The following PRKN variants were observed in gnomAD, a reference collection of about 807,000 sequenced individuals.
The protein encoded by PRKN is E3 ubiquitin-protein ligase parkin.
A neutral mutation model predicts 59.5 loss-of-function variants in PRKN; 56 were observed. That is an observed-to-expected ratio of 0.94 (90% CI 0.76 to 1.18). The LOEUF is 1.18. Among genes scored for constraint, PRKN ranks in the 50% most tolerant of loss-of-function variants. The pLI, the probability that PRKN is intolerant of heterozygous loss-of-function variation, is 0.00. For missense variants in PRKN, 657 were observed against 596.4 expected (o/e 1.10, Z -1.06); for synonymous variants, 250 against 222.1 (o/e 1.13, Z -1.12).
At chr6:162,042,341 G>A (rs772397011) in intron 5 of PRKN, among the ~76,000 whole-genome samples, 2 of 152,060 alleles carry the variant, frequency 1.3e-5, no homozygotes, top group Non-Finnish European at 2.9e-5. Context: ...TACCCAGGCT[G>A]GAGTGCAGTG....
Position 161,399,859 on chromosome 6 carries a change from G to A in PRKN, c.1084-12982C>T, listed in dbSNP as rs146836827. Among the ~76,000 whole-genome samples the A allele has an allele frequency of 2.4e-4, 37 of 151,858 alleles. No individual in the cohort carries two copies. Among genetic ancestry groups the A allele is most frequent in the African/African-American group, 8.5e-4 (35 of 41,378 alleles). On this transcript the variant is annotated intron_variant, in intron 9 of 11. Transcript: ENST00000366898. This position sits in a 1 kb window ranked among gnomAD's most constrained non-coding sequence, Gnocchi z 4.4. ...AGCAATAATTTTTAATGGTCTAGTA[G>A]CTATATGAAAAGAGGAAAAAGAAAC...
intron 1 of PRKN, among the ~76,000 whole-genome samples, chr6:162,583,441 TAAAC>T (rs1780867999): frequency 6.6e-6 from 1 of 152,166 alleles, no homozygotes; most frequent in East Asian, 1.9e-4. Context: ...TTTCCTTCGA[TAAAC>T]AAACAAAACT....
Position 161,360,117 on chromosome 6 carries a change from G to A in PRKN, c.1256C>T (p.Pro419Leu). 4 of 1,614,042 alleles carry A rather than the reference G, an allele frequency of 2.5e-6. No homozygotes were observed. The highest frequency in any genetic ancestry group is 3.4e-6 in the Non-Finnish European group (4 of 1,179,906). The change falls in exon 11 of 12, where the codon CCC becomes CTC. Residue 419 changes from proline to leucine, a missense_variant. Physicochemically the swap from Pro to Leu is moderately conservative, Grantham distance 98 (BLOSUM62 -3). Transcript: ENST00000366898. This position sits in a 1 kb window ranked among gnomAD's most constrained non-coding sequence, Gnocchi z 5.1. ...TTTTTCCACTGGTACATGGCAGCGG[G>A]GACAGGGCTTGGTGGTTTTCTTGAT... ...ETIKKTTKPC[P>L]RCHVPVEKNG...
intron 9 of PRKN, among the ~76,000 whole-genome samples, chr6:161,509,785 CAGG>C (rs1272545224): frequency 6.8e-6 from 1 of 146,376 alleles, no homozygotes; most frequent in African/African-American, 2.5e-5. Context: ...GAGGCTGAAG[CAGG>C]AGAATTGCTT....
chr6:162,247,865 A>G (rs1779262485), intron 3 of PRKN, among the ~76,000 whole-genome samples: 2 of 152,210 alleles, frequency 1.3e-5, no homozygotes, highest in South Asian at 4.1e-4. Context: ...AACACTTGTT[A>G]ATTTGATTAA....
rs1779025631 is a variant in PRKN at position 161,526,602 on chromosome 6, T to C, written c.1083+22252A>G. ...ATATAAGTAATATAAATAAATATAA[T>C]GAAATAAAATCTCAAAGCATCAGTA... On this transcript the variant is annotated intron_variant, in intron 9 of 11. Transcript: ENST00000366898. The surrounding 1 kb of genome is among the most constrained non-coding windows in gnomAD (Gnocchi z 4.1). Among the ~76,000 whole-genome samples the C allele has an allele frequency of 6.7e-6, 1 of 150,360 alleles. No individual in the cohort carries two copies. The highest frequency in any genetic ancestry group is 3.6e-3 in the Middle Eastern group (1 of 280).
In PRKN at chr6:161,451,299, C is replaced by T. The variant is rs991454733; in HGVS notation, c.1084-64422G>A. ...CACCTCCAGTTTCTTCAATGACTTC[C>T]ACGAGAAGACCTCTCTGGAGAGGTC... is the stretch of plus-strand genomic sequence containing the variant. On this transcript the variant is annotated intron_variant, in intron 9 of 11. Coordinates refer to ENST00000366898, the MANE Select transcript of PRKN (RefSeq NM_004562.3). The surrounding 1 kb of genome is among the most constrained non-coding windows in gnomAD (Gnocchi z 5.9). Among the ~76,000 whole-genome samples, 1 of 152,146 alleles carries T rather than the reference C, an allele frequency of 6.6e-6. No individual in the cohort carries two copies. The highest frequency in any genetic ancestry group is 1.5e-5 in the Non-Finnish European group (1 of 68,028).
At chr6:161,835,403 G>A (rs992787519) in intron 6 of PRKN, among the ~76,000 whole-genome samples, 30 of 152,184 alleles carry the variant, frequency 2.0e-4, no homozygotes, top group South Asian at 1.9e-3. Context: ...CCACTCTTCC[G>A]TACCCTTGTT....
At chr6:162,531,464 C>G (rs1778511743) in intron 1 of PRKN, among the ~76,000 whole-genome samples, 1 of 152,038 alleles carries the variant, frequency 6.6e-6, no homozygotes, top group South Asian at 2.1e-4. Context: ...TTAAGGATAA[C>G]TTGGTGGGTG....
chr6:162,531,392 G>A (rs537134252), intron 1 of PRKN, among the ~76,000 whole-genome samples: 17 of 152,110 alleles, frequency 1.1e-4, no homozygotes, highest in African/African-American at 3.9e-4. Flanking sequence ...CCGGCTGTGC[G>A]GGAGACCTGA....
At chr6:161,631,184 C>T (rs1220285814) in intron 7 of PRKN, among the ~76,000 whole-genome samples, 1 of 152,222 alleles carries the variant, frequency 6.6e-6, no homozygotes. Flanking sequence ...ATGTGCCATG[C>T]ATGAGCTAGT....
chr6:162,230,137 C>T (rs528669381), intron 3 of PRKN, among the ~76,000 whole-genome samples: 1 of 152,140 alleles, frequency 6.6e-6, no homozygotes, highest in Admixed American at 6.6e-5. Flanking sequence ...CTTTGAATAG[C>T]AAGGTTGTAG....
Position 161,441,953 on chromosome 6 carries a change from C to G in PRKN, c.1084-55076G>C, listed in dbSNP as rs73026910. ...CTTCAGGAAGTGGATAAAGCTGGCC[C>G]TGCCTCATGCCAATCAGCCCAGCAA... On this transcript the variant is annotated intron_variant, in intron 9 of 11. Transcript: ENST00000366898. 2.6e-3 allele frequency among the ~76,000 whole-genome samples: 396 copies of G among 152,312 alleles called. 2 individuals are homozygous for G. The highest frequency in any genetic ancestry group is 4.6e-3 in the Non-Finnish European group (311 of 68,026).
chr6:162,502,702 T>C (rs971510239), intron 1 of PRKN, among the ~76,000 whole-genome samples: 1 of 152,080 alleles, frequency 6.6e-6, no homozygotes, highest in Non-Finnish European at 1.5e-5. Flanking sequence ...CACACGCTTT[T>C]CCTCAGGAAA....
intron 6 of PRKN, among the ~76,000 whole-genome samples, chr6:161,799,502 G>T (rs1330827618): frequency 2.6e-5 from 4 of 152,198 alleles, no homozygotes; most frequent in African/African-American, 9.6e-5. Context: ...CCAGTTTGGA[G>T]AGCACCCAAT....
chr6:162,353,461 T>A (rs1784707675), intron 2 of PRKN, among the ~76,000 whole-genome samples: 1 of 152,138 alleles, frequency 6.6e-6, no homozygotes, highest in African/African-American at 2.4e-5. Context: ...AAATAAATGT[T>A]AAATGCTAAA....
intron 1 of PRKN, among the ~76,000 whole-genome samples, chr6:162,613,301 G>A (rs1271287484): frequency 6.6e-6 from 1 of 152,074 alleles, no homozygotes. Flanking sequence ...AAGTAAACCT[G>A]TTTTTTAGGG....
chr6:161,539,232 G>A (rs1207472591), intron 9 of PRKN, among the ~76,000 whole-genome samples: 1 of 152,162 alleles, frequency 6.6e-6, no homozygotes, highest in African/African-American at 2.4e-5. Context: ...TCACTGATTT[G>A]CATTGGCTGC....
At chr6:162,714,689 T>C (rs1778659404) in intron 1 of PRKN, among the ~76,000 whole-genome samples, 3 of 152,232 alleles carry the variant, frequency 2.0e-5, no homozygotes, top group Admixed American at 1.3e-4. Flanking sequence ...TTTGAGCATA[T>C]GTTTCTACTG....
Sources: allele counts gnomAD v4.1 joint callset (sites outside exome capture counted in the v4.1 genomes callset), GRCh38; gene constraint gnomAD v4.1.1; non-coding constraint Gnocchi (gnomAD v3.1); transcripts MANE v1.5; gene names NCBI Gene and HGNC (gene_info 2026-07-23, HGNC 2026-07-21).